DPP6: variants seen among roughly 807,000 people sequenced by gnomAD.
DPP6 encodes the protein A-type potassium channel modulatory protein DPP6.
DPP6 carries 69 observed loss-of-function variants against 122.6 expected under a neutral mutation model. The ratio of observed to expected loss-of-function variants is 0.56; its 90% confidence interval spans 0.46 to 0.69. DPP6 has a LOEUF of 0.69. Among genes scored for constraint, DPP6 ranks in the 30% least tolerant of loss-of-function variants. The probability of loss-of-function intolerance (pLI) is 0.00; values close to 1 mark genes in which losing one functional copy is unlikely to be tolerated. For missense variants in DPP6, 928 were observed against 1,116.9 expected, an observed-to-expected ratio of 0.83 and a Z score of 2.41; for synonymous variants, 418 against 433.1, an observed-to-expected ratio of 0.97 and a Z score of 0.43.
intron 6 of DPP6, among the ~76,000 whole-genome samples, chr7:154,662,729 TGGCCG>T: frequency 1.3e-5 from 1 of 76,680 alleles, no homozygotes; most frequent in Admixed American, 1.5e-4. Flanking sequence ...CATGGCATAT[TGGCCG>T]TAGTGTTCAT....
chr7:154,554,732 A>G (rs1829893125), intron 4 of DPP6, among the ~76,000 whole-genome samples: 1 of 152,188 alleles, frequency 6.6e-6, no homozygotes, highest in Non-Finnish European at 1.5e-5. Context: ...TACTGTATAT[A>G]CCCATCTCTC....
chr7:154,726,901 A>G (rs1842093222), intron 7 of DPP6, among the ~76,000 whole-genome samples: 1 of 152,206 alleles, frequency 6.6e-6, no homozygotes, highest in Admixed American at 6.5e-5. Context: ...ATCTGAGACC[A>G]TCTCAGCCTG....
the DPP6 span, among the ~76,000 whole-genome samples, chr7:153,858,027 T>C: frequency 6.6e-6 from 1 of 152,226 alleles, no homozygotes; most frequent in South Asian, 2.1e-4. Flanking sequence ...ACTGATGTAC[T>C]TGTTACATTT....
At chr7:154,791,506 A>G (rs892814976) in intron 10 of DPP6, among the ~76,000 whole-genome samples, 3 of 152,118 alleles carry the variant, frequency 2.0e-5, no homozygotes, top group African/African-American at 7.2e-5. Flanking sequence ...AGCATGGGGG[A>G]AACCACCCGC....
chr7:154,078,788 G>C (rs1228336522), intron 1 of DPP6, among the ~76,000 whole-genome samples: 1 of 151,966 alleles, frequency 6.6e-6, no homozygotes, highest in Non-Finnish European at 1.5e-5. Flanking sequence ...AAAGCCACCT[G>C]GTTTTAGACT....
At chr7:154,320,107 T>C (rs1350677129) in intron 1 of DPP6, among the ~76,000 whole-genome samples, 1 of 151,724 alleles carries the variant, frequency 6.6e-6, no homozygotes, top group African/African-American at 2.4e-5. Flanking sequence ...ATGGAAATGA[T>C]TTTACCATGT....
At chr7:154,297,123 CA>C (rs1403475741) in intron 1 of DPP6, among the ~76,000 whole-genome samples, 1 of 128,400 alleles carries the variant, frequency 7.8e-6, no homozygotes, top group Non-Finnish European at 1.7e-5. Flanking sequence ...ACTTTAATAT[CA>C]GAAGATTTTT....
rs149699551 is a variant in DPP6 at position 154,290,466 on chromosome 7, C to G, written c.244-155748C>G. On this transcript the variant is annotated intron_variant, in intron 1 of 25. Transcript: ENST00000377770. ...GCTCCTTGGCAATCTGAGCCTTCGCCCTGCTCCCTGCCACCCCCCTGCCTT... is the reference window on the plus strand; with the variant it reads ...GCTCCTTGGCAATCTGAGCCTTCGCGCTGCTCCCTGCCACCCCCCTGCCTT... Among the ~76,000 whole-genome samples the G allele has an allele frequency of 5.5e-4, 83 of 152,060 alleles. 1 individual carries two copies. The East Asian group carries it at 0.013, about 24-fold the overall frequency.
intron 1 of DPP6, among the ~76,000 whole-genome samples, chr7:154,385,951 A>C (rs916903644): frequency 6.6e-6 from 1 of 152,126 alleles, no homozygotes; most frequent in Non-Finnish European, 1.5e-5. Context: ...ATGGAATCAC[A>C]GTTTTTGTTG....
chr7:154,879,707 A>G (rs10246122), intron 20 of DPP6, among the ~76,000 whole-genome samples: 91,783 of 151,860 alleles, frequency 0.6, 28,372 homozygotes, highest in African/African-American at 0.76. Context: ...AGCCACGATC[A>G]CGCCACTGCA....
chr7:154,767,108 A>G (rs1187291621), intron 8 of DPP6, among the ~76,000 whole-genome samples: 1 of 152,130 alleles, frequency 6.6e-6, no homozygotes. Flanking sequence ...AAGCTGCTTC[A>G]TTTTTAAAGC....
At chr7:153,997,006 T>C (rs550302977) in intron 1 of DPP6, among the ~76,000 whole-genome samples, 1 of 152,052 alleles carries the variant, frequency 6.6e-6, no homozygotes, top group South Asian at 2.1e-4. Flanking sequence ...TGTCTCTGAA[T>C]TAAAAAAATG....
the DPP6 span, among the ~76,000 whole-genome samples, chr7:153,765,276 C>T: frequency 6.6e-6 from 1 of 151,986 alleles, no homozygotes; most frequent in Non-Finnish European, 1.5e-5. Flanking sequence ...GTGTGGTGGC[C>T]CATGCCTGTA....
upstream of DPP6, among the ~76,000 whole-genome samples, chr7:153,885,470 T>A (rs1798875355): frequency 1.4e-5 from 2 of 146,940 alleles, no homozygotes; most frequent in Non-Finnish European, 3.0e-5. Context: ...CCCAGAGAGG[T>A]GCCTTTCCTC....
At chr7:154,739,996 C>T (rs1162825278) in intron 8 of DPP6, among the ~76,000 whole-genome samples, 2 of 152,170 alleles carry the variant, frequency 1.3e-5, no homozygotes, top group Non-Finnish European at 2.9e-5. Context: ...TTTAATTCAA[C>T]ATGAAGAGGT....
At chr7:154,085,831 G>A (rs1449354130) in intron 1 of DPP6, among the ~76,000 whole-genome samples, 10 of 152,110 alleles carry the variant, frequency 6.6e-5, no homozygotes, top group East Asian at 3.9e-4. Context: ...AGGTTCAAGC[G>A]GTTCTTCTGC....
At chr7:153,883,364 C>T (rs1296458983), upstream of DPP6, among the ~76,000 whole-genome samples, 1 of 146,460 alleles carries the variant, frequency 6.8e-6, no homozygotes, top group African/African-American at 2.6e-5. Flanking sequence ...CTTACACTTA[C>T]TTTCCTTCTT....
At chr7:154,717,211 A>G (rs1486898597) in intron 7 of DPP6, among the ~76,000 whole-genome samples, 1 of 152,202 alleles carries the variant, frequency 6.6e-6, no homozygotes, top group East Asian at 1.9e-4. Flanking sequence ...TCGAACATTT[A>G]TCATTTATTT....
At chr7:154,767,929 A>G (rs79619020) in intron 8 of DPP6, among the ~76,000 whole-genome samples, 1 of 152,266 alleles carries the variant, frequency 6.6e-6, no homozygotes, top group South Asian at 2.1e-4. Context: ...AAGATGAGGA[A>G]GACTCACGTG....
Sources: gnomAD v4.1 joint callset for allele counts (sites outside exome capture counted in the v4.1 genomes callset) on GRCh38, gnomAD v4.1.1 for gene constraint, MANE v1.5 for transcripts, NCBI Gene and HGNC (gene_info 2026-07-23, HGNC 2026-07-21) for gene names.